Variants in PAIP2B observed in about 807,000 individuals in gnomAD.
PAIP2B encodes the protein polyadenylate-binding protein-interacting protein 2B.
Under a neutral mutation model 17.0 loss-of-function variants are expected in PAIP2B, and 13 were observed. The observed-to-expected ratio is 0.76, with a 90% CI of 0.50 to 1.22. PAIP2B has a LOEUF of 1.22. Ranked by LOEUF, PAIP2B falls within the 50% of genes most tolerant of loss-of-function variation. The probability of loss-of-function intolerance (pLI) is 0.00; values close to 1 mark genes in which losing one functional copy is unlikely to be tolerated. For missense variants in PAIP2B, 117 were observed against 144.5 expected (o/e 0.81, Z 0.98); for synonymous variants, 43 against 48.7 (o/e 0.88, Z 0.48).
chr2:71,204,261 C>T (rs984361830), intron 1 of PAIP2B, among the ~76,000 whole-genome samples: 2 of 152,206 alleles, frequency 1.3e-5, no homozygotes, highest in African/African-American at 4.8e-5. Flanking sequence ...TCTACCCCGA[C>T]TCCCACCTTC....
intron 1 of PAIP2B, among the ~76,000 whole-genome samples, chr2:71,204,337 T>C (rs1675068029): frequency 6.6e-6 from 1 of 152,238 alleles, no homozygotes; most frequent in Non-Finnish European, 1.5e-5. Flanking sequence ...TTGGCAACAC[T>C]TGTGAATAAG....
rs184849036 is a variant in PAIP2B, at chr2:71,210,680, A to G, written c.-11-8080T>C. ...ATATTTGTAAAATATATCAAAACAA[A>G]GGTAAATTACAAATAGAGGCATTTT... On this transcript the variant is annotated intron_variant, in intron 1 of 3. Coordinates refer to ENST00000244221, the MANE Select transcript of PAIP2B (RefSeq NM_020459.1). Among the ~76,000 whole-genome samples, 51 of 152,352 alleles carry G rather than the reference A, an allele frequency of 3.3e-4. No homozygotes were observed. In the East Asian group the frequency reaches 7.7e-3, roughly 23 times the overall value.
intron 1 of PAIP2B, among the ~76,000 whole-genome samples, chr2:71,204,894 T>G (rs1173707429): frequency 6.6e-6 from 1 of 152,126 alleles, no homozygotes; most frequent in Non-Finnish European, 1.5e-5. Context: ...TTGGCAGTTG[T>G]TTGCAACTAG....
At chr2:71,218,394 T>A (rs1675487328) in intron 1 of PAIP2B, among the ~76,000 whole-genome samples, 1 of 151,560 alleles carries the variant, frequency 6.6e-6, no homozygotes, top group African/African-American at 2.4e-5. Flanking sequence ...CCCACAAGAA[T>A]AAAAATGGCC....
At chr2:71,194,198 C>G (rs1320612812) in intron 2 of PAIP2B, among the ~76,000 whole-genome samples, 1 of 152,002 alleles carries the variant, frequency 6.6e-6, no homozygotes, top group Admixed American at 6.6e-5. Context: ...CTTGGCTATT[C>G]GTGCACTTTT....
intron 1 of PAIP2B, among the ~76,000 whole-genome samples, chr2:71,206,862 T>C (rs1675141193): frequency 6.6e-6 from 1 of 152,242 alleles, no homozygotes; most frequent in Admixed American, 6.5e-5. Context: ...ACAGTTTCAT[T>C]ACTTCCTTCA....
chr2:71,215,666 A>G (rs1675412572), intron 1 of PAIP2B, among the ~76,000 whole-genome samples: 1 of 152,244 alleles, frequency 6.6e-6, no homozygotes, highest in African/African-American at 2.4e-5. Context: ...GTTGACAAGC[A>G]AGAAAAACTT....
chr2:71,189,742 G>A, intron 3 of PAIP2B, 103 bp downstream of exon 3: 2 of 1,130,080 alleles, frequency 1.8e-6, no homozygotes, highest in Non-Finnish European at 2.4e-6. Flanking sequence ...AGCTCACAGG[G>A]CTCCAGACTT....
chr2:71,185,567 CAAAAAAAAAGAAAAAAA>C lies in PAIP2B; in HGVS notation c.*2895_*2911del, dbSNP rs1674515051. 1 of 87,688 alleles carries C rather than the reference CAAAAAAAAAGAAAAAAA, an allele frequency of 1.1e-5. No individual in the cohort carries two copies. Among genetic ancestry groups the C allele is most frequent in the Non-Finnish European group, 2.3e-5 (1 of 43,508 alleles). 5.4% of individuals were successfully genotyped at this position (87,688 alleles called of 1,614,324 possible). A position where few individuals can be genotyped will look rare whatever the true frequency, so the allele number is the denominator to read the frequency against. ...TGGGTGACAGAGTGAGACTATGTCT[CAAAAAAAAAGAAAAAAA>C]AAAAAAAAAGAGGGACCCCAGCTGC... On this transcript the variant is annotated 3_prime_UTR_variant, in exon 4 of 4. Transcript: ENST00000244221.
intron 2 of PAIP2B, among the ~76,000 whole-genome samples, chr2:71,196,162 A>C (rs1468250991): frequency 6.6e-6 from 1 of 152,140 alleles, no homozygotes; most frequent in African/African-American, 2.4e-5. Context: ...TAGTGCTATG[A>C]ATTTCCCTCT....
intron 1 of PAIP2B, among the ~76,000 whole-genome samples, chr2:71,209,286 G>A (rs1675227023): frequency 1.3e-5 from 2 of 152,182 alleles, no homozygotes; most frequent in Admixed American, 1.3e-4. Flanking sequence ...CCACGGAAAT[G>A]ACATCTTTAA....
chr2:71,223,146 C>T (rs1675632975), intron 1 of PAIP2B, among the ~76,000 whole-genome samples: 1 of 152,184 alleles, frequency 6.6e-6, no homozygotes, highest in South Asian at 2.1e-4. Context: ...GATGCAGAGG[C>T]TCACGCCTGT....
chr2:71,195,486 A>C (rs1674793127), intron 2 of PAIP2B, among the ~76,000 whole-genome samples: 1 of 152,050 alleles, frequency 6.6e-6, no homozygotes, highest in Non-Finnish European at 1.5e-5. Context: ...CATTTCTCCT[A>C]GGTTTTCTAG....
chr2:71,221,110 T>G (rs1259112886), intron 1 of PAIP2B, among the ~76,000 whole-genome samples: 1 of 152,350 alleles, frequency 6.6e-6, no homozygotes, highest in Non-Finnish European at 1.5e-5. Flanking sequence ...CCTGAGAATG[T>G]TATACTCTTT....
chr2:71,213,146 C>T (rs1675342820), intron 1 of PAIP2B, among the ~76,000 whole-genome samples: 1 of 152,120 alleles, frequency 6.6e-6, no homozygotes, highest in Non-Finnish European at 1.5e-5. Context: ...ATAACATTCT[C>T]TTTACGAGCT....
intron 2 of PAIP2B, among the ~76,000 whole-genome samples, chr2:71,191,720 T>A (rs1312782819): frequency 6.6e-6 from 1 of 152,184 alleles, no homozygotes; most frequent in Non-Finnish European, 1.5e-5. Context: ...TGGCCTTTGG[T>A]GCTCTCCCTT....
rs1305935880 is a variant in PAIP2B, at chr2:71,184,720, G to A, written c.*3759C>T. 1.3e-5 allele frequency: 2 copies of A among 152,116 alleles called. No individual in the cohort carries two copies. Among genetic ancestry groups the A allele is most frequent in the African/African-American group, 4.8e-5 (2 of 41,396 alleles). The allele number at this position is 152,116 out of a possible 1,614,324, so 9.4% of individuals were successfully genotyped here. A position where few individuals can be genotyped will look rare whatever the true frequency, so the allele number is the denominator to read the frequency against. On this transcript the variant is annotated 3_prime_UTR_variant, in exon 4 of 4. Coordinates refer to ENST00000244221, the MANE Select transcript of PAIP2B (RefSeq NM_020459.1). ...TGGGGAAATGTGGACAGAGGCAGAA[G>A]GACATCAAGGCCCCCACTACACACC...
chr2:71,189,809 C>T (rs1321342195), intron 3 of PAIP2B, 36 bp downstream of exon 3: 8 of 1,503,950 alleles, frequency 5.3e-6, no homozygotes, highest in South Asian at 2.6e-5. Context: ...ATATTCTTTT[C>T]ACTACATAAC....
chr2:71,217,158 C>T (rs537512883), intron 1 of PAIP2B, among the ~76,000 whole-genome samples: 4 of 152,264 alleles, frequency 2.6e-5, no homozygotes, highest in Non-Finnish European at 4.4e-5. Context: ...TTTTTTGAGA[C>T]GGAGTCTCAC....
Sources: allele counts gnomAD v4.1 joint callset (sites outside exome capture counted in the v4.1 genomes callset), GRCh38; gene constraint gnomAD v4.1.1; transcripts MANE v1.5; gene names NCBI Gene and HGNC (gene_info 2026-07-23, HGNC 2026-07-21).